The following DSCAM variants were observed in gnomAD, a reference collection of about 807,000 sequenced individuals.
DSCAM encodes DS cell adhesion molecule, also known as cell adhesion molecule DSCAM.
A neutral mutation model predicts 217.7 loss-of-function variants in DSCAM; 47 were observed. The ratio of observed to expected loss-of-function variants is 0.22; its 90% confidence interval spans 0.17 to 0.28. The LOEUF (loss-of-function observed/expected upper bound fraction) is 0.28. DSCAM is among the 10% of genes least tolerant of loss of function. The pLI is 1.00. For missense variants in DSCAM, 2,080 were observed against 2,618.3 expected (o/e 0.79, Z 4.49); for synonymous variants, 1,056 against 1,015.3 (o/e 1.04, Z -0.76).
At chr21:40,811,913 T>C (rs1205681477) in intron 1 of DSCAM, among the ~76,000 whole-genome samples, 2 of 152,324 alleles carry the variant, frequency 1.3e-5, no homozygotes, top group South Asian at 4.1e-4. Flanking sequence ...TTAGTGCCTT[T>C]AGGTTGTGAT....
chr21:40,264,547 G>A (rs2073496930), intron 11 of DSCAM, among the ~76,000 whole-genome samples: 1 of 152,110 alleles, frequency 6.6e-6, no homozygotes, highest in East Asian at 1.9e-4. Flanking sequence ...GGCACAGAAG[G>A]AACATACCTC....
At chr21:40,826,476 T>C (rs2091969975) in intron 1 of DSCAM, among the ~76,000 whole-genome samples, 1 of 152,234 alleles carries the variant, frequency 6.6e-6, no homozygotes, top group Admixed American at 6.5e-5. Context: ...AGTGATGTAA[T>C]CTGCTTTATA....
chr21:40,464,399 A>G (rs2075828145), intron 3 of DSCAM, among the ~76,000 whole-genome samples: 1 of 152,240 alleles, frequency 6.6e-6, no homozygotes, highest in Admixed American at 6.5e-5. Context: ...GAACAGGCTC[A>G]GAGGAAGGTA....
intron 3 of DSCAM, among the ~76,000 whole-genome samples, chr21:40,664,235 T>C (rs1811386479): frequency 6.6e-6 from 1 of 152,188 alleles, no homozygotes; most frequent in Non-Finnish European, 1.5e-5. Context: ...GTAAAGTCTG[T>C]AGGGAGATCT....
intron 3 of DSCAM, among the ~76,000 whole-genome samples, chr21:40,534,067 G>A (rs1237629712): frequency 6.6e-6 from 1 of 152,080 alleles, no homozygotes; most frequent in East Asian, 1.9e-4. Context: ...TAAAATAGAA[G>A]GTAAAAGCTA....
chr21:40,245,826 CG>C (rs2073216587), intron 11 of DSCAM, among the ~76,000 whole-genome samples: 1 of 152,066 alleles, frequency 6.6e-6, no homozygotes, highest in Admixed American at 6.6e-5. Flanking sequence ...GGAGGAGGAA[CG>C]GGGATGGTAG....
At chr21:40,845,971 C>T (rs1343475814) in intron 1 of DSCAM, among the ~76,000 whole-genome samples, 4 of 150,778 alleles carry the variant, frequency 2.7e-5, no homozygotes, top group African/African-American at 9.8e-5. Context: ...ACAATATTCA[C>T]TGATTTCATT....
intron 9 of DSCAM, among the ~76,000 whole-genome samples, chr21:40,305,033 G>C (rs922766402): frequency 1.3e-5 from 2 of 152,120 alleles, no homozygotes; most frequent in African/African-American, 2.4e-5. Flanking sequence ...CCATAGACTT[G>C]CTCGATGCAG....
intron 3 of DSCAM, among the ~76,000 whole-genome samples, chr21:40,525,171 C>T (rs2076391087): frequency 6.6e-6 from 1 of 152,100 alleles, no homozygotes; most frequent in Non-Finnish European, 1.5e-5. Flanking sequence ...TGTGTTTTTA[C>T]ATACTGTTGA....
chr21:40,060,565 C>A (rs1008743556), intron 28 of DSCAM, among the ~76,000 whole-genome samples: 2 of 151,606 alleles, frequency 1.3e-5, no homozygotes, highest in Admixed American at 6.6e-5. Context: ...GTGAAGCAGG[C>A]CCGGGGTGGG....
chr21:40,308,179 G>T (rs1258853889), intron 9 of DSCAM, among the ~76,000 whole-genome samples: 1 of 152,200 alleles, frequency 6.6e-6, no homozygotes. Flanking sequence ...GTACATTGTG[G>T]ATACGCTATG....
intron 20 of DSCAM, among the ~76,000 whole-genome samples, chr21:40,121,707 T>TTTTTTTTTTTTTG (rs1388228272): frequency 8.8e-6 from 1 of 113,048 alleles, no homozygotes; most frequent in African/African-American, 3.4e-5. Context: ...TTTTTTTTTT[T>TTTTTTTTTTTTTG]GAGACAGAGT....
At chr21:40,324,381 A>G (rs1000407541) in intron 8 of DSCAM, among the ~76,000 whole-genome samples, 2 of 152,154 alleles carry the variant, frequency 1.3e-5, no homozygotes, top group African/African-American at 2.4e-5. Flanking sequence ...AGAGTAAAAC[A>G]AACTCTGAGA....
At chr21:40,296,015 A>C in intron 10 of DSCAM, 40 bp downstream of exon 10, 1 of 1,598,812 alleles carries the variant, frequency 6.3e-7, no homozygotes, top group East Asian at 2.2e-5. Flanking sequence ...GAACATAGCA[A>C]ATGTTTGACA....
At chr21:40,630,072 C>A (rs1166868608) in intron 3 of DSCAM, among the ~76,000 whole-genome samples, 1 of 151,926 alleles carries the variant, frequency 6.6e-6, no homozygotes, top group Non-Finnish European at 1.5e-5. Context: ...ACCATGGAGC[C>A]CAACAGGAAG....
At chr21:40,815,207 A>G (rs1276342298) in intron 1 of DSCAM, among the ~76,000 whole-genome samples, 1 of 152,100 alleles carries the variant, frequency 6.6e-6, no homozygotes, top group Non-Finnish European at 1.5e-5. Context: ...GAGTGTTTGT[A>G]CATGATGAAG....
At chr21:40,123,651 C>A (rs1006141872) in intron 20 of DSCAM, among the ~76,000 whole-genome samples, 1 of 152,088 alleles carries the variant, frequency 6.6e-6, no homozygotes, top group Non-Finnish European at 1.5e-5. Flanking sequence ...ACCAGGCTGA[C>A]TGCTGTAACT....
chr21:40,153,299 A>G lies in DSCAM; in HGVS notation c.3019-8568T>C, dbSNP rs1322714890. Among the ~76,000 whole-genome samples, 4 of 152,198 alleles carry G rather than the reference A, an allele frequency of 2.6e-5. No individual in the cohort carries two copies. In the South Asian group the frequency reaches 8.3e-4, roughly 31 times the overall value. Reference sequence around the variant, plus strand: ...GAATCAGTGCTCAGAATACTGCCTGATACTTGCAGTGCTGAAGGTTTGCCC... The same window carrying G: ...GAATCAGTGCTCAGAATACTGCCTGGTACTTGCAGTGCTGAAGGTTTGCCC... On this transcript the variant is annotated intron_variant, in intron 16 of 32. Coordinates refer to ENST00000400454, the MANE Select transcript of DSCAM (RefSeq NM_001389.5).
chr21:40,450,022 G>A (rs2075706022), intron 3 of DSCAM, among the ~76,000 whole-genome samples: 1 of 151,982 alleles, frequency 6.6e-6, no homozygotes, highest in Admixed American at 6.6e-5. Context: ...GGGATACACA[G>A]GAGAAAAACT....
Sources: allele counts gnomAD v4.1 joint callset (sites outside exome capture counted in the v4.1 genomes callset), GRCh38; gene constraint gnomAD v4.1.1; transcripts MANE v1.5; gene names NCBI Gene and HGNC (gene_info 2026-07-23, HGNC 2026-07-21).